The following FNDC3B variants were observed in gnomAD, a reference collection of about 807,000 sequenced individuals.
The protein encoded by FNDC3B is fibronectin type III domain containing 3B.
In FNDC3B, 12 loss-of-function variants were observed where a neutral mutation model predicts 151.5. The observed-to-expected ratio is 0.08, with a 90% CI of 0.05 to 0.13. The LOEUF (loss-of-function observed/expected upper bound fraction) is 0.13. Ranked by LOEUF, FNDC3B falls within the 10% of genes least tolerant of loss-of-function variation. The pLI, the probability that FNDC3B is intolerant of heterozygous loss-of-function variation, is 1.00. For missense variants in FNDC3B, 1,214 were observed against 1,505.3 expected (o/e 0.81, Z 3.20); for synonymous variants, 528 against 549.0 (o/e 0.96, Z 0.54).
intron 1 of FNDC3B, among the ~76,000 whole-genome samples, chr3:172,096,850 C>T (rs965499499): frequency 6.6e-6 from 1 of 151,446 alleles, no homozygotes; most frequent in South Asian, 2.1e-4. Context: ...AATAAAAATA[C>T]GGGCCAAATA....
At chr3:172,127,022 G>A (rs1720838454) in intron 2 of FNDC3B, 1 of 456,704 alleles carries the variant, frequency 2.2e-6, no homozygotes. Context: ...CTTAAGGAGA[G>A]CCCAAATGTT....
At chr3:172,162,098 C>T (rs144102474) in intron 3 of FNDC3B, among the ~76,000 whole-genome samples, 92 of 152,060 alleles carry the variant, frequency 6.1e-4, no homozygotes, top group African/African-American at 1.6e-3. Flanking sequence ...CTTTCTCAGC[C>T]TCCTGAGTAG....
intron 3 of FNDC3B, among the ~76,000 whole-genome samples, chr3:172,201,048 ACTT>A (rs1430423491): frequency 6.6e-6 from 1 of 152,228 alleles, no homozygotes. Flanking sequence ...ATGGAAACCA[ACTT>A]CTTTATGGAT....
chr3:172,239,556 G>A (rs554582612), intron 4 of FNDC3B, among the ~76,000 whole-genome samples: 12 of 152,152 alleles, frequency 7.9e-5, no homozygotes, highest in Middle Eastern at 6.8e-3. Context: ...ATGTGTCCAC[G>A]TGCAGAATCT....
At chr3:172,382,798 G>A (rs1027146351) in intron 25 of FNDC3B, among the ~76,000 whole-genome samples, 16 of 152,158 alleles carry the variant, frequency 1.1e-4, no homozygotes, top group African/African-American at 3.4e-4. Context: ...TGGTATTTCT[G>A]AGCCCTCTGT....
Position 172,247,791 on chromosome 3 carries a change from G to C in FNDC3B, c.508+15G>C. On this transcript the variant is annotated intron_variant, in intron 5 of 25. Coordinates refer to ENST00000415807, the MANE Select transcript of FNDC3B (RefSeq NM_022763.4). ...TGGTGAGCAAGGTGAGTAGATTTTC[G>C]TTGGCGTCAGGAGCCGTTGAAACTG... 1.2e-6 allele frequency: 2 copies of C among 1,613,900 alleles called. No individual in the cohort carries two copies. Among genetic ancestry groups the C allele is most frequent in the South Asian group, 2.2e-5 (2 of 91,084 alleles).
At chr3:172,336,119 A>G (rs1353094744) in intron 15 of FNDC3B, among the ~76,000 whole-genome samples, 1 of 152,212 alleles carries the variant, frequency 6.6e-6, no homozygotes, top group African/African-American at 2.4e-5. Flanking sequence ...TATTGTAAAT[A>G]TCTACTACTG....
chr3:172,209,098 T>G (rs561536536), intron 3 of FNDC3B, among the ~76,000 whole-genome samples: 209 of 150,812 alleles, frequency 1.4e-3, no homozygotes, highest in Non-Finnish European at 2.3e-3. Flanking sequence ...TCTTCTCTCC[T>G]CATTGCCTAC....
At chr3:172,041,928 G>A (rs1171143378) in intron 1 of FNDC3B, among the ~76,000 whole-genome samples, 3 of 152,024 alleles carry the variant, frequency 2.0e-5, no homozygotes, top group East Asian at 1.9e-4. Context: ...ACCCATGAAG[G>A]TACAATTCTC....
chr3:172,073,780 C>G (rs1013014366), intron 1 of FNDC3B, among the ~76,000 whole-genome samples: 1 of 151,922 alleles, frequency 6.6e-6, no homozygotes, highest in Non-Finnish European at 1.5e-5. Context: ...TTCATTGAAC[C>G]TTTACAACTG....
chr3:172,286,042 T>G, intron 7 of FNDC3B, 58 bp downstream of exon 7: 1 of 167,972 alleles, frequency 6.0e-6, no homozygotes, highest in Non-Finnish European at 8.4e-6. Context: ...TCAAATGTGC[T>G]TTTTTTTTTT....
At chr3:172,173,149 G>A (rs778442198) in intron 3 of FNDC3B, among the ~76,000 whole-genome samples, 11 of 152,138 alleles carry the variant, frequency 7.2e-5, no homozygotes, top group Non-Finnish European at 1.2e-4. Context: ...GAGATAAAGC[G>A]AAACGATGGC....
intron 23 of FNDC3B, 118 bp downstream of exon 23, chr3:172,362,963 T>A: frequency 1.3e-6 from 1 of 759,294 alleles, no homozygotes; most frequent in Non-Finnish European, 2.1e-6. Flanking sequence ...GTTCAGAGGC[T>A]TCCTTTGACT....
chr3:172,166,835 T>A (rs961642815), intron 3 of FNDC3B, among the ~76,000 whole-genome samples: 1 of 25,124 alleles, frequency 4.0e-5, no homozygotes, highest in African/African-American at 1.6e-4. Flanking sequence ...GGCGGGTGGG[T>A]GGGGGGAGGG....
intron 22 of FNDC3B, among the ~76,000 whole-genome samples, chr3:172,356,703 C>T (rs546845516): frequency 1.3e-5 from 2 of 152,244 alleles, no homozygotes; most frequent in East Asian, 3.9e-4. Flanking sequence ...CCATCTTTTC[C>T]CCACCAAAAG....
intron 3 of FNDC3B, among the ~76,000 whole-genome samples, chr3:172,186,358 T>C (rs1292516374): frequency 6.6e-6 from 1 of 152,236 alleles, no homozygotes; most frequent in Non-Finnish European, 1.5e-5. Flanking sequence ...GGTTTGAGCA[T>C]GTTCCTCTAA....
At chr3:172,221,390 G>A (rs1391921724) in intron 3 of FNDC3B, among the ~76,000 whole-genome samples, 1 of 152,136 alleles carries the variant, frequency 6.6e-6, no homozygotes, top group Non-Finnish European at 1.5e-5. Context: ...ATAGTCTTCT[G>A]TCTCATGAAG....
intron 3 of FNDC3B, among the ~76,000 whole-genome samples, chr3:172,182,583 G>T (rs1576772575): frequency 6.6e-6 from 1 of 152,156 alleles, no homozygotes. Context: ...TTTGTATTGG[G>T]TGTAATACTC....
chr3:172,041,940 C>T (rs938603287), intron 1 of FNDC3B, among the ~76,000 whole-genome samples: 1 of 152,060 alleles, frequency 6.6e-6, no homozygotes, highest in Non-Finnish European at 1.5e-5. Flanking sequence ...ACAATTCTCA[C>T]TTTGTTTAGA....
Sources: allele counts gnomAD v4.1 joint callset (sites outside exome capture counted in the v4.1 genomes callset), GRCh38; gene constraint gnomAD v4.1.1; transcripts MANE v1.5; gene names NCBI Gene and HGNC (gene_info 2026-07-23, HGNC 2026-07-21).